The following ADARB2 variants were observed in gnomAD, a reference collection of about 807,000 sequenced individuals.
ADARB2 encodes inactive double-stranded RNA-specific editase B2.
Under a neutral mutation model 62.2 loss-of-function variants are expected in ADARB2, and 25 were observed. The ratio of observed to expected loss-of-function variants is 0.40; its 90% CI spans 0.29 to 0.56. The LOEUF (loss-of-function observed/expected upper bound fraction) is 0.56. ADARB2 is among the 20% of genes least tolerant of loss of function. The probability of loss-of-function intolerance (pLI) is 0.43; values close to 1 mark genes in which losing one functional copy is unlikely to be tolerated. For synonymous variants in ADARB2, 572 were observed against 500.8 expected, an observed-to-expected ratio of 1.14 and a Z score of -1.90; for missense variants, 1,071 against 1,077.4, an observed-to-expected ratio of 0.99 and a Z score of 0.08.
chr10:1,575,501 A>G (rs1832998612), intron 1 of ADARB2, among the ~76,000 whole-genome samples: 1 of 152,240 alleles, frequency 6.6e-6, no homozygotes, highest in Admixed American at 6.5e-5. Flanking sequence ...ATGGGCATGC[A>G]GCACTCAGCA....
rs566820072 is a variant in ADARB2, at chr10:1,267,793, G to A, written c.1192+3162C>T. Reference sequence around the variant, plus strand: ...CAGGCAGCCAGGCTCCCTTCCCAGCGGAACTGTGCTGGGAGGGTTGAAGGT... The same window carrying A: ...CAGGCAGCCAGGCTCCCTTCCCAGCAGAACTGTGCTGGGAGGGTTGAAGGT... On this transcript the variant is annotated intron_variant, in intron 4 of 9. Coordinates refer to ENST00000381312, the MANE Select transcript of ADARB2 (RefSeq NM_018702.4). Among the ~76,000 whole-genome samples the A allele has an allele frequency of 3.9e-5, 6 of 152,206 alleles. No individual in the cohort carries two copies. The South Asian group carries it at 8.3e-4, about 21-fold the overall frequency.
rs956611487 is a variant in ADARB2, at chr10:1,477,188, C to G, written c.101-98028G>C. Among the ~76,000 whole-genome samples, 2 of 152,152 alleles carry G rather than the reference C, an allele frequency of 1.3e-5. No individual in the cohort carries two copies. Among genetic ancestry groups the G allele is most frequent in the African/African-American group, 4.8e-5 (2 of 41,422 alleles). ...TTTCTCCTCTGACCCATGGCTAACACCACTTCCTTACAGGAGAAGTGACTG... is the reference window on the plus strand; with the variant it reads ...TTTCTCCTCTGACCCATGGCTAACAGCACTTCCTTACAGGAGAAGTGACTG... On this transcript the variant is annotated intron_variant, in intron 1 of 9. Transcript: ENST00000381312. The surrounding 1 kb of genome is among the most constrained non-coding windows in gnomAD (Gnocchi z 4.5).
At chr10:1,276,138 T>C (rs1404722308) in intron 3 of ADARB2, among the ~76,000 whole-genome samples, 1 of 152,088 alleles carries the variant, frequency 6.6e-6, no homozygotes, top group Non-Finnish European at 1.5e-5. Flanking sequence ...GTAAAAGTGT[T>C]CCTATTTCTC....
At chr10:1,643,469 A>T (rs1423220203) in intron 1 of ADARB2, among the ~76,000 whole-genome samples, 1 of 152,092 alleles carries the variant, frequency 6.6e-6, no homozygotes, top group Non-Finnish European at 1.5e-5. Context: ...GGTCACCTGG[A>T]GGGTGGCTGA....
At chr10:1,530,599 C>T (rs1304386486) in intron 1 of ADARB2, among the ~76,000 whole-genome samples, 1 of 152,144 alleles carries the variant, frequency 6.6e-6, no homozygotes, top group Non-Finnish European at 1.5e-5. Context: ...CCTCGTCCGC[C>T]CCTGCGCCCA....
chr10:1,456,891 T>C (rs1831102637), intron 1 of ADARB2, among the ~76,000 whole-genome samples: 2 of 152,102 alleles, frequency 1.3e-5, no homozygotes, highest in South Asian at 4.2e-4. Context: ...CCATCCCAGG[T>C]TCAAGCGATT....
chr10:1,195,533 A>T (rs1836898604), intron 8 of ADARB2, among the ~76,000 whole-genome samples: 1 of 151,916 alleles, frequency 6.6e-6, no homozygotes, highest in Non-Finnish European at 1.5e-5. Flanking sequence ...CGACGTTGAA[A>T]GGTTTTCATG....
chr10:1,289,364 T>G (rs1378402280), intron 3 of ADARB2, among the ~76,000 whole-genome samples: 1 of 152,210 alleles, frequency 6.6e-6, no homozygotes, highest in African/African-American at 2.4e-5. Context: ...CGTCAGGACC[T>G]CCTGAGGCTG....
intron 4 of ADARB2, among the ~76,000 whole-genome samples, chr10:1,258,155 T>A (rs918452519): frequency 6.6e-6 from 1 of 152,194 alleles, no homozygotes; most frequent in African/African-American, 2.4e-5. Context: ...CCTAACTCTT[T>A]TTCTTTCTTG....
chr10:1,462,265 CTG>C (rs1471499804), intron 1 of ADARB2, among the ~76,000 whole-genome samples: 1 of 152,174 alleles, frequency 6.6e-6, no homozygotes, highest in Non-Finnish European at 1.5e-5. Context: ...CTTATGTCAC[CTG>C]TGTGTGTGTT....
At chr10:1,185,705 C>A (rs1394956176) in intron 8 of ADARB2, among the ~76,000 whole-genome samples, 1 of 152,210 alleles carries the variant, frequency 6.6e-6, no homozygotes, top group Non-Finnish European at 1.5e-5. Flanking sequence ...AGCTCAGGTG[C>A]CTGTGTGAGC....
At chr10:1,701,841 G>A (rs1834825237) in intron 1 of ADARB2, among the ~76,000 whole-genome samples, 1 of 147,422 alleles carries the variant, frequency 6.8e-6, no homozygotes, top group Non-Finnish European at 1.5e-5. Context: ...GGGAGACCAG[G>A]CGCTCACCAG....
At chr10:1,563,739 C>T (rs1271595039) in intron 1 of ADARB2, among the ~76,000 whole-genome samples, 2 of 148,924 alleles carry the variant, frequency 1.3e-5, no homozygotes, top group Non-Finnish European at 3.0e-5. Flanking sequence ...ACTAACTCGT[C>T]ATCTAGCATT....
chr10:1,387,066 A>G (rs979714354), intron 1 of ADARB2, among the ~76,000 whole-genome samples: 7 of 151,982 alleles, frequency 4.6e-5, no homozygotes, highest in African/African-American at 1.7e-4. Flanking sequence ...CTTTATTCTC[A>G]GTGATAATGA....
intron 8 of ADARB2, among the ~76,000 whole-genome samples, chr10:1,187,396 G>A (rs554128456): frequency 6.4e-4 from 96 of 150,456 alleles, no homozygotes; most frequent in Non-Finnish European, 1.2e-3. Context: ...CGCTCCCATC[G>A]CCAGGCGGCC....
At chr10:1,245,318 CTTATTTT>C (rs1830974044) in intron 4 of ADARB2, among the ~76,000 whole-genome samples, 1 of 151,138 alleles carries the variant, frequency 6.6e-6, no homozygotes, top group Non-Finnish European at 1.5e-5. Context: ...TATTTATTTA[CTTATTTT>C]TTGTTTTTTC....
At chr10:1,594,298 A>G (rs971122510) in intron 1 of ADARB2, among the ~76,000 whole-genome samples, 3 of 152,086 alleles carry the variant, frequency 2.0e-5, no homozygotes, top group African/African-American at 7.2e-5. Context: ...CTCAAAAGAA[A>G]ATCAAAAAAC....
At chr10:1,619,335 C>T (rs368801347) in intron 1 of ADARB2, among the ~76,000 whole-genome samples, 13 of 150,112 alleles carry the variant, frequency 8.7e-5, no homozygotes, top group African/African-American at 3.2e-4. Context: ...TACAATGACT[C>T]TAAAAAAACT....
chr10:1,653,024 C>T (rs1186962325), intron 1 of ADARB2, among the ~76,000 whole-genome samples: 1 of 152,218 alleles, frequency 6.6e-6, no homozygotes, highest in Non-Finnish European at 1.5e-5. Context: ...TGATGACAAC[C>T]ATCTCAGGCA....
Sources: gnomAD v4.1 joint callset for allele counts (sites outside exome capture counted in the v4.1 genomes callset) on GRCh38, gnomAD v4.1.1 for gene constraint, Gnocchi (gnomAD v3.1) non-coding constraint, MANE v1.5 for transcripts, NCBI Gene and HGNC (gene_info 2026-07-23, HGNC 2026-07-21) for gene names.